The following DACH1 variants were observed in gnomAD, a reference collection of about 807,000 sequenced individuals.
DACH1 encodes the protein dachshund family transcription factor 1.
DACH1 carries 12 observed loss-of-function variants against 54.2 expected under a neutral mutation model. The ratio of observed to expected loss-of-function variants is 0.22; its 90% CI spans 0.14 to 0.36. DACH1 has a LOEUF of 0.36. DACH1 is among the 10% of genes least tolerant of loss of function. The probability of loss-of-function intolerance (pLI) is 1.00; values close to 1 mark genes in which losing one functional copy is unlikely to be tolerated. For synonymous variants in DACH1, 386 were observed against 366.2 expected, an observed-to-expected ratio of 1.05 and a Z score of -0.62; for missense variants, 805 against 929.8, an observed-to-expected ratio of 0.87 and a Z score of 1.75.
intron 1 of DACH1, among the ~76,000 whole-genome samples, chr13:71,716,599 C>T (rs201331075): frequency 5.3e-5 from 8 of 152,084 alleles, no homozygotes; most frequent in East Asian, 3.9e-4. Context: ...CACCAATTGC[C>T]TTTTACTTCT....
At chr13:71,713,924 CTTA>C (rs1228343125) in intron 1 of DACH1, among the ~76,000 whole-genome samples, 12 of 151,876 alleles carry the variant, frequency 7.9e-5, no homozygotes, top group Non-Finnish European at 1.6e-4. Flanking sequence ...TTTACCACTT[CTTA>C]TTTTCAACTA....
At chr13:71,725,211 T>C (rs1023781189) in intron 1 of DACH1, among the ~76,000 whole-genome samples, 2 of 152,144 alleles carry the variant, frequency 1.3e-5, no homozygotes, top group Non-Finnish European at 2.9e-5. Flanking sequence ...AAACCATGTT[T>C]CTCAAAAGGC....
chr13:71,602,344 T>C (rs554017252), intron 3 of DACH1, among the ~76,000 whole-genome samples: 15 of 152,170 alleles, frequency 9.9e-5, no homozygotes, highest in Non-Finnish European at 1.3e-4. Flanking sequence ...AAAATCTGTG[T>C]GTGTTTTCTT....
At chr13:71,573,305 T>C (rs771469466) in intron 3 of DACH1, 14 of 629,998 alleles carry the variant, frequency 2.2e-5, no homozygotes, top group Admixed American at 1.4e-4. Flanking sequence ...CTTTAACTTA[T>C]CCCAATTAGC....
intron 6 of DACH1, among the ~76,000 whole-genome samples, chr13:71,515,999 A>G (rs1015594298): frequency 2.0e-5 from 3 of 151,904 alleles, no homozygotes; most frequent in African/African-American, 4.8e-5. Context: ...TTAGGAGGCT[A>G]TTTAAACTTC....
chr13:71,645,835 G>A (rs951476509), intron 2 of DACH1, among the ~76,000 whole-genome samples: 2 of 152,060 alleles, frequency 1.3e-5, no homozygotes, highest in African/African-American at 4.8e-5. Flanking sequence ...TAGATCCTAG[G>A]GTAATAGAAC....
intron 1 of DACH1, among the ~76,000 whole-genome samples, chr13:71,751,541 A>G (rs1333063757): frequency 6.6e-6 from 1 of 152,206 alleles, no homozygotes; most frequent in African/African-American, 2.4e-5. Flanking sequence ...ATTATTTTAT[A>G]ATTACATCTT....
intron 1 of DACH1, among the ~76,000 whole-genome samples, chr13:71,738,120 A>G (rs569617690): frequency 1.4e-4 from 21 of 152,300 alleles, no homozygotes; most frequent in Non-Finnish European, 2.2e-4. Context: ...TTTAAGAAAG[A>G]GAACCTCAAG....
At chr13:71,442,796 A>AT (rs1035437498) in intron 10 of DACH1, among the ~76,000 whole-genome samples, 1 of 152,028 alleles carries the variant, frequency 6.6e-6, no homozygotes, top group Non-Finnish European at 1.5e-5. Flanking sequence ...AGCTACATGG[A>AT]TAATAATAGA....
At chr13:71,551,308 T>C (rs2138357618) in intron 6 of DACH1, among the ~76,000 whole-genome samples, 1 of 152,284 alleles carries the variant, frequency 6.6e-6, no homozygotes, top group South Asian at 2.1e-4. Flanking sequence ...TTCTTTATGC[T>C]AGAAATATTT....
At chr13:71,853,303 T>A (rs1873789985) in intron 1 of DACH1, among the ~76,000 whole-genome samples, 1 of 152,180 alleles carries the variant, frequency 6.6e-6, no homozygotes, top group Non-Finnish European at 1.5e-5. Flanking sequence ...TGAAGAGATC[T>A]TTCTGCCTAC....
chr13:71,677,483 G>T (rs1880645060), intron 2 of DACH1, among the ~76,000 whole-genome samples: 1 of 152,002 alleles, frequency 6.6e-6, no homozygotes, highest in African/African-American at 2.4e-5. Flanking sequence ...AATTCCACAA[G>T]CAATCTCAAA....
chr13:71,468,281 G>A (rs762621652), intron 10 of DACH1, among the ~76,000 whole-genome samples: 5 of 152,044 alleles, frequency 3.3e-5, no homozygotes, highest in Non-Finnish European at 5.9e-5. Flanking sequence ...AAACTTAACT[G>A]TATACAAACT....
At position 71,440,562 on chromosome 13, in the gene DACH1, TA is replaced by T; in HGVS notation, c.*92del. On this transcript the variant is annotated 3_prime_UTR_variant, in exon 11 of 11. Transcript: ENST00000613252. ...ATACACAAAATTCAGGAAGTTCCCT[TA>T]AAAGGACTTTATTTTTTTCTGAACT... 1.0e-6 allele frequency: 1 copy of T among 1,003,860 alleles called. No homozygotes were observed. Among genetic ancestry groups the T allele is most frequent in the Non-Finnish European group, 1.5e-6 (1 of 663,718 alleles). 62.2% of individuals were successfully genotyped at this position (1,003,860 alleles called of 1,614,324 possible). A position where few individuals can be genotyped will look rare whatever the true frequency, so the allele number is the denominator to read the frequency against.
chr13:71,716,793 C>T lies in DACH1; in HGVS notation c.849-34883G>A, dbSNP rs1265192110. ...TATTACTGTTTGCTGGATGAATCAG[C>T]TGAAGAAGAAACAAATGAATTATTT... On this transcript the variant is annotated intron_variant, in intron 1 of 10. Transcript: ENST00000613252. 3.9e-5 allele frequency among the ~76,000 whole-genome samples: 6 copies of T among 152,134 alleles called. No homozygotes were observed. In the South Asian group the frequency reaches 6.2e-4, roughly 16 times the overall value.
Position 71,695,516 on chromosome 13 carries a change from G to A in DACH1, c.849-13606C>T, listed in dbSNP as rs117262288. ...AAGCATTTAAGATGAGTCTTCAAGC[G>A]TGAGTATTATTTTAACTAACAGAGA... is the stretch of plus-strand genomic sequence containing the variant. On this transcript the variant is annotated intron_variant, in intron 1 of 10. Transcript: ENST00000613252. 5.1e-3 allele frequency among the ~76,000 whole-genome samples: 782 copies of A among 152,286 alleles called. 3 individuals are homozygous for A. The highest frequency in any genetic ancestry group is 9.2e-3 in the Non-Finnish European group (625 of 68,020).
chr13:71,554,195 A>G (rs1884089117), intron 6 of DACH1, among the ~76,000 whole-genome samples: 1 of 152,020 alleles, frequency 6.6e-6, no homozygotes, highest in African/African-American at 2.4e-5. Flanking sequence ...GCCTATGAAT[A>G]TTTACTATTA....
intron 1 of DACH1, among the ~76,000 whole-genome samples, chr13:71,821,606 T>C (rs1888190673): frequency 6.6e-6 from 1 of 152,156 alleles, no homozygotes; most frequent in Non-Finnish European, 1.5e-5. Context: ...ATATTTTCTT[T>C]ATAGGTCTAT....
chr13:71,675,398 C>T (rs930926327), intron 2 of DACH1: 47 of 1,453,798 alleles, frequency 3.2e-5, no homozygotes, highest in Non-Finnish European at 4.2e-5. Context: ...AACCTGTGTG[C>T]TATCCATGCC....
Sources: gnomAD v4.1 joint callset for allele counts (sites outside exome capture counted in the v4.1 genomes callset) on GRCh38, gnomAD v4.1.1 for gene constraint, MANE v1.5 for transcripts, NCBI Gene and HGNC (gene_info 2026-07-23, HGNC 2026-07-21) for gene names.